Variants in RLIG1 observed in about 807,000 individuals in gnomAD.
RLIG1 encodes RNA 5'-phosphate and 3'-OH ligase 1, also known as RNA ligase 1.
chr12:88,048,117 CAGTA>C, the RLIG1 span: 26 of 587,936 alleles, frequency 4.4e-5, no homozygotes, highest in South Asian at 5.9e-5. Context: ...AAAAAAAAAA[CAGTA>C]AGATAAAGTG....
At chr12:88,038,905 G>C in the RLIG1 span, among the ~76,000 whole-genome samples, 1 of 152,086 alleles carries the variant, frequency 6.6e-6, no homozygotes, top group Non-Finnish European at 1.5e-5. Flanking sequence ...GCTTATAATA[G>C]CACTTGTTTA....
chr12:88,041,740 A>G, the RLIG1 span: 1 of 152,218 alleles, frequency 6.6e-6, no homozygotes, highest in Non-Finnish European at 1.5e-5. Flanking sequence ...GGTTCTTCAT[A>G]TTATTTATCT....
chr12:88,041,886 C>T, the RLIG1 span: 1 of 152,158 alleles, frequency 6.6e-6, no homozygotes, highest in Admixed American at 6.5e-5. Flanking sequence ...TAGTGTGTAT[C>T]ATTATGCGTG....
At chr12:88,042,098 T>C in the RLIG1 span, 1 of 152,356 alleles carries the variant, frequency 6.6e-6, no homozygotes, top group African/African-American at 2.4e-5. Context: ...AAAGCTACTA[T>C]TGTTCCCTGC....
At chr12:88,045,573 A>G in the RLIG1 span, 3 of 1,596,184 alleles carry the variant, frequency 1.9e-6, no homozygotes, top group South Asian at 1.1e-5. Flanking sequence ...TTTCTTCTTT[A>G]TATGATAGGT....
chr12:88,048,141 C>A, the RLIG1 span: 1 of 933,820 alleles, frequency 1.1e-6, no homozygotes, highest in South Asian at 3.0e-5. Context: ...GGAGTCTTAC[C>A]CAGTACCTGG....
the RLIG1 span, chr12:88,049,245 A>G: frequency 6.2e-7 from 1 of 1,609,294 alleles, no homozygotes; most frequent in Non-Finnish European, 8.5e-7. Context: ...AGAAGCAGCA[A>G]CAGGGCTAGT....
the RLIG1 span, among the ~76,000 whole-genome samples, chr12:88,043,416 ATATT>A: frequency 9.2e-5 from 14 of 152,240 alleles, no homozygotes; most frequent in African/African-American, 3.1e-4. Flanking sequence ...ATGAAATTGA[ATATT>A]TAAATTGTTA....
the RLIG1 span, among the ~76,000 whole-genome samples, chr12:88,037,828 C>T: frequency 6.6e-6 from 1 of 152,070 alleles, no homozygotes; most frequent in Non-Finnish European, 1.5e-5. Flanking sequence ...CAGATACAGA[C>T]TATAGAAGTG....
chr12:88,035,902 G>C, the RLIG1 span: 1 of 1,505,718 alleles, frequency 6.6e-7, no homozygotes, highest in Non-Finnish European at 8.8e-7. Flanking sequence ...AGTTCCGTAC[G>C]CCCTGAGCTC....
chr12:88,036,754 C>A, the RLIG1 span, among the ~76,000 whole-genome samples: 1 of 152,208 alleles, frequency 6.6e-6, no homozygotes, highest in Non-Finnish European at 1.5e-5. Flanking sequence ...ACTGGTCTTA[C>A]TTGCCACTCA....
At chr12:88,046,572 G>A in the RLIG1 span, among the ~76,000 whole-genome samples, 13 of 152,190 alleles carry the variant, frequency 8.5e-5, no homozygotes, top group African/African-American at 2.9e-4. Flanking sequence ...TATCTGTCCA[G>A]ACTTGACCTG....
At chr12:88,046,275 A>G in the RLIG1 span, among the ~76,000 whole-genome samples, 5 of 152,196 alleles carry the variant, frequency 3.3e-5, no homozygotes, top group South Asian at 4.1e-4. Flanking sequence ...TGCTAAAGCT[A>G]TAATAGGAAA....
chr12:88,042,907 A>G, the RLIG1 span: 1 of 1,564,970 alleles, frequency 6.4e-7, no homozygotes, highest in Non-Finnish European at 8.6e-7. Context: ...TACATTCAAA[A>G]GAAAACCCAA....
the RLIG1 span, chr12:88,046,663 G>C: frequency 5.6e-6 from 4 of 709,296 alleles, no homozygotes. Context: ...CCAGTGCACT[G>C]GGTTATATTC....
the RLIG1 span, among the ~76,000 whole-genome samples, chr12:88,038,306 C>T: frequency 6.8e-4 from 104 of 152,194 alleles, no homozygotes; most frequent in Non-Finnish European, 1.3e-3. Context: ...TTTTTATATT[C>T]TGCCTGCATA....
At chr12:88,047,295 G>A in the RLIG1 span, among the ~76,000 whole-genome samples, 12 of 152,232 alleles carry the variant, frequency 7.9e-5, no homozygotes, top group East Asian at 1.2e-3. Context: ...TCCCAGACTT[G>A]AGTGTAGAAT....
At chr12:88,044,735 T>G in the RLIG1 span, 1 of 152,430 alleles carries the variant, frequency 6.6e-6, no homozygotes, top group Non-Finnish European at 1.5e-5. Flanking sequence ...GAAGATCAGC[T>G]TAGGCAAACT....
the RLIG1 span, chr12:88,035,605 G>A: frequency 6.4e-7 from 1 of 1,558,544 alleles, no homozygotes; most frequent in South Asian, 1.2e-5. Context: ...ACCGGGCGCC[G>A]CTCGAAAGCA....
Sources: gnomAD v4.1 joint callset for allele counts (sites outside exome capture counted in the v4.1 genomes callset) on GRCh38, gnomAD v4.1.1 for gene constraint, MANE v1.5 for transcripts, NCBI Gene and HGNC (gene_info 2026-07-23, HGNC 2026-07-21) for gene names.